The following PKNOX1 variants were observed in gnomAD, a reference collection of about 807,000 sequenced individuals.
The protein encoded by PKNOX1 is PBX/knotted 1 homeobox 1.
PKNOX1 carries 15 observed loss-of-function variants against 51.9 expected under a neutral mutation model. The ratio of observed to expected loss-of-function variants is 0.29; its 90% confidence interval spans 0.19 to 0.45. The LOEUF (loss-of-function observed/expected upper bound fraction) is 0.45, where lower values mean the gene tolerates loss of function less well. Ranked by LOEUF, PKNOX1 falls within the 20% of genes least tolerant of loss-of-function variation. The pLI is 1.00. For synonymous variants in PKNOX1, 219 were observed against 211.1 expected, an observed-to-expected ratio of 1.04 and a Z score of -0.32; for missense variants, 462 against 547.5, an observed-to-expected ratio of 0.84 and a Z score of 1.56.
intron 1 of PKNOX1, chr21:43,003,907 TTTG>T (rs1200361887): frequency 1.9e-5 from 3 of 157,004 alleles, no homozygotes; most frequent in African/African-American, 7.2e-5. Context: ...GGATAATTTT[TTTG>T]TTCTCTACAT....
rs114128335 is a variant in PKNOX1 at position 42,990,824 on chromosome 21, A to G, written c.-56-13502A>G. Reference sequence around the variant, plus strand: ...ATAGGAGGAGTGTGAGCTAAACGCAATGAACTGGGGGAAACTTAGCAAGGT... The same window carrying G: ...ATAGGAGGAGTGTGAGCTAAACGCAGTGAACTGGGGGAAACTTAGCAAGGT... On this transcript the variant is annotated intron_variant, in intron 1 of 10. Transcript: ENST00000291547. 4.7e-3 allele frequency among the ~76,000 whole-genome samples: 718 copies of G among 152,316 alleles called. 4 individuals carry two copies. The highest frequency in any genetic ancestry group is 0.016 in the African/African-American group (679 of 41,560).
chr21:43,017,074 A>G lies in PKNOX1; in HGVS notation c.622+67A>G, dbSNP rs765559454. The G allele has an allele frequency of 1.2e-5, 12 of 1,006,224 alleles. No homozygotes were observed. In the Admixed American group the frequency reaches 1.4e-4, roughly 12 times the overall value. 62.3% of individuals were successfully genotyped at this position (1,006,224 alleles called of 1,614,324 possible). A position where few individuals can be genotyped will look rare whatever the true frequency, so the allele number is the denominator to read the frequency against. ...GCAGAAAATGGTCCTGTGTGTTAGA[A>G]TGACAGTATAAATATAATTTCAAGT... is the stretch of plus-strand genomic sequence containing the variant. On this transcript the variant is annotated intron_variant, in intron 6 of 10. Coordinates refer to ENST00000291547, the MANE Select transcript of PKNOX1 (RefSeq NM_004571.5).
chr21:43,029,392 T>C (rs894313970), intron 10 of PKNOX1, among the ~76,000 whole-genome samples: 1 of 150,942 alleles, frequency 6.6e-6, no homozygotes, highest in African/African-American at 2.4e-5. Context: ...TTTGTGTGCA[T>C]GTGTTTTTAT....
rs2059016822 is a variant in PKNOX1, at chr21:42,979,677, G to T, written c.-57+5013G>T. On this transcript the variant is annotated intron_variant, in intron 1 of 10. Coordinates refer to ENST00000291547, the MANE Select transcript of PKNOX1 (RefSeq NM_004571.5). ...GAATGGCGTGAACCCAGGGGGCGGA[G>T]CTTGCAGTGAGCCGAGATCGCGCCA... Among the ~76,000 whole-genome samples, 3 of 152,152 alleles carry T rather than the reference G, an allele frequency of 2.0e-5. No individual in the cohort carries two copies. In the South Asian group the frequency reaches 6.2e-4, roughly 32 times the overall value.
chr21:43,016,788 C>T (rs536118195), intron 5 of PKNOX1, 120 bp from the exon 6 acceptor site: 3 of 602,804 alleles, frequency 5.0e-6, no homozygotes, highest in South Asian at 2.2e-5. Context: ...TGAGGATGTT[C>T]TTTCCCTCAA....
At chr21:42,980,764 AT>A (rs34506374) in intron 1 of PKNOX1, among the ~76,000 whole-genome samples, 5,788 of 152,254 alleles carry the variant, frequency 0.038, 140 homozygotes, top group Middle Eastern at 0.061. Context: ...TAGTGACGAG[AT>A]TTTTTGTGAC....
chr21:43,018,078 G>A, intron 6 of PKNOX1, 55 bp from the exon 7 acceptor site: 1 of 644,856 alleles, frequency 1.6e-6, no homozygotes. Flanking sequence ...AAAGAAGAAT[G>A]GTTTAAATCA....
chr21:43,012,231 C>A (rs1442971218), intron 4 of PKNOX1, among the ~76,000 whole-genome samples: 2 of 152,170 alleles, frequency 1.3e-5, no homozygotes, highest in Non-Finnish European at 2.9e-5. Context: ...TGCTGTGGGA[C>A]AAATTACCCC....
intron 1 of PKNOX1, among the ~76,000 whole-genome samples, chr21:42,976,088 C>T (rs2058995924): frequency 6.6e-6 from 1 of 152,182 alleles, no homozygotes; most frequent in South Asian, 2.1e-4. Context: ...TGTCCTTGTA[C>T]ACAGGCGTAC....
At position 42,991,369 on chromosome 21, in the gene PKNOX1, C is replaced by G. The variant is rs191790288; in HGVS notation, c.-56-12957C>G. Among the ~76,000 whole-genome samples the G allele has an allele frequency of 2.0e-5, 3 of 151,606 alleles. No homozygotes were observed. The East Asian group carries it at 5.8e-4, about 29-fold the overall frequency. ...CTGAAAGCAAAACGAATAAAAATAA[C>G]CAAACCACAAATTGAGTTGGTGGCT... On this transcript the variant is annotated intron_variant, in intron 1 of 10. Transcript: ENST00000291547.
intron 6 of PKNOX1, chr21:43,017,305 G>A (rs1204712210): frequency 9.0e-6 from 2 of 222,490 alleles, no homozygotes; most frequent in Admixed American, 1.1e-4. Flanking sequence ...ATAGCTTTTT[G>A]TTGTGCTTTT....
chr21:42,989,048 G>T (rs894780428), intron 1 of PKNOX1, among the ~76,000 whole-genome samples: 5 of 152,054 alleles, frequency 3.3e-5, no homozygotes, highest in African/African-American at 7.2e-5. Context: ...GGCTTCTCAG[G>T]ACTTCTTTCT....
At position 43,021,618 on chromosome 21, in the gene PKNOX1, G is replaced by C. The variant is rs764589472; in HGVS notation, c.849+187G>C. On this transcript the variant is annotated intron_variant, in intron 8 of 10. Coordinates refer to ENST00000291547, the MANE Select transcript of PKNOX1 (RefSeq NM_004571.5). This position sits in a 1 kb window ranked among gnomAD's most constrained non-coding sequence, Gnocchi z 4.6. ...CTGCAGGGAACTTGAAGGGCAATGA[G>C]GGCTGCCGTGAAGGAGCACCCGAGC... 2.6e-5 allele frequency among the ~76,000 whole-genome samples: 4 copies of C among 152,248 alleles called. No individual in the cohort carries two copies. Among genetic ancestry groups the C allele is most frequent in the Admixed American group, 6.5e-5 (1 of 15,278 alleles).
chr21:43,021,222 G>C lies in PKNOX1; in HGVS notation c.721-81G>C, dbSNP rs1979738626. On this transcript the variant is annotated intron_variant, in intron 7 of 10. Coordinates refer to ENST00000291547, the MANE Select transcript of PKNOX1 (RefSeq NM_004571.5). This position sits in a 1 kb window ranked among gnomAD's most constrained non-coding sequence, Gnocchi z 4.6. ...TCATTTCCCTGTCCGATCCTTGGCT[G>C]TTTTCTCCACCTGCAGTTGTAAGTA... The C allele has an allele frequency of 1.7e-6, 2 of 1,198,402 alleles. No individual in the cohort carries two copies. Among genetic ancestry groups the C allele is most frequent in the Admixed American group, 2.3e-5 (1 of 44,294 alleles). 74.2% of individuals were successfully genotyped at this position (1,198,402 alleles called of 1,614,324 possible).
Position 43,029,928 on chromosome 21 carries a change from G to A in PKNOX1, c.1138G>A (p.Val380Met), listed in dbSNP as rs371162644. ...CATCACCACGCCCGTGAACATGAAC[G>A]TGGACAGCCTTCAGTCTCTGTCCTC... ...VTITTPVNMN[V>M]DSLQSLSSDG... The change falls in exon 11 of 11, where the codon GTG becomes ATG. Residue 380 changes from valine to methionine, a missense_variant. By Grantham distance (21) the Val-to-Met change is conservative. This residue lies in a region of PKNOX1 where 118 missense variants were observed against 116.8 expected (regional missense o/e 1.01). Transcript: ENST00000291547. 9 of 1,614,062 alleles carry A rather than the reference G, an allele frequency of 5.6e-6. No individual in the cohort carries two copies. The African/African-American group carries it at 6.7e-5, about 12-fold the overall frequency.
At position 43,033,470 on chromosome 21, in the gene PKNOX1, T is replaced by C. The variant is rs1030236994; in HGVS notation, c.*3369T>C. ...TTCGGTCTTTGAAACTGACAATCTTTGAAATGTGAATACTGTAACAATATG... is the reference window on the plus strand; with the variant it reads ...TTCGGTCTTTGAAACTGACAATCTTCGAAATGTGAATACTGTAACAATATG... On this transcript the variant is annotated 3_prime_UTR_variant, in exon 11 of 11. Transcript: ENST00000291547. 1 of 152,756 alleles carries C rather than the reference T, an allele frequency of 6.5e-6. No individual in the cohort carries two copies. The highest frequency in any genetic ancestry group is 6.5e-5 in the Admixed American group (1 of 15,298). The allele number at this position is 152,756 out of a possible 1,614,324, so 9.5% of individuals were successfully genotyped here. A position where few individuals can be genotyped will look rare whatever the true frequency, so the allele number is the denominator to read the frequency against.
chr21:42,994,918 C>CTTTTTTTT (rs11361350), intron 1 of PKNOX1, among the ~76,000 whole-genome samples: 11 of 113,560 alleles, frequency 9.7e-5, no homozygotes, highest in South Asian at 2.9e-4. Context: ...TTTCTTTCTT[C>CTTTTTTTT]TTTTTTTTTT....
At chr21:43,007,465 T>G in intron 2 of PKNOX1, 26 bp from the exon 3 acceptor site, 1 of 1,611,630 alleles carries the variant, frequency 6.2e-7, no homozygotes, top group Non-Finnish European at 8.5e-7. Flanking sequence ...TGTTTGCTAA[T>G]AAGAATTATC....
chr21:43,028,602 G>A lies in PKNOX1; in HGVS notation c.927-100G>A, dbSNP rs184004876. On this transcript the variant is annotated intron_variant, in intron 9 of 10. Transcript: ENST00000291547. ...GAGAACTTGAGTCATTCTTTGTAGC[G>A]TGCTTCGTAGAGCAGCGTGTTTGTT... The A allele has an allele frequency of 2.2e-3, 2,347 of 1,054,984 alleles. 4 individuals are homozygous for A. Among genetic ancestry groups the A allele is most frequent in the Admixed American group, 3.7e-3 (178 of 48,712 alleles). 65.4% of individuals were successfully genotyped at this position (1,054,984 alleles called of 1,614,324 possible). A position where few individuals can be genotyped will look rare whatever the true frequency, so the allele number is the denominator to read the frequency against.
Sources: allele counts gnomAD v4.1 joint callset (sites outside exome capture counted in the v4.1 genomes callset), GRCh38; gene constraint gnomAD v4.1.1; regional missense constraint gnomAD v4.1.1; non-coding constraint Gnocchi (gnomAD v3.1); transcripts MANE v1.5; gene names NCBI Gene and HGNC (gene_info 2026-07-23, HGNC 2026-07-21).